CAMK1D: variants seen among roughly 807,000 people sequenced by gnomAD.
The protein encoded by CAMK1D is calcium/calmodulin-dependent protein kinase type 1D.
A neutral mutation model predicts 47.7 loss-of-function variants in CAMK1D; 9 were observed. That is an observed-to-expected ratio of 0.19 (90% CI 0.11 to 0.33). CAMK1D has a LOEUF of 0.33. CAMK1D is among the 10% of genes least tolerant of loss of function. CAMK1D has a pLI of 1.00. For missense variants in CAMK1D, 291 were observed against 488.7 expected (o/e 0.60, Z 3.81); for synonymous variants, 184 against 184.9 (o/e 0.99, Z 0.04).
chr10:12,398,228 T>C (rs953492135), intron 1 of CAMK1D, among the ~76,000 whole-genome samples: 3 of 152,246 alleles, frequency 2.0e-5, no homozygotes, highest in Non-Finnish European at 4.4e-5. Flanking sequence ...TAGAGTCATA[T>C]TCTATTCTCA....
chr10:12,729,530 T>A (rs116071163), intron 3 of CAMK1D, among the ~76,000 whole-genome samples: 2,745 of 152,002 alleles, frequency 0.018, 91 homozygotes, highest in African/African-American at 0.063. Flanking sequence ...CCCAGCTACG[T>A]GGAAGGGTGA....
chr10:12,502,140 G>A (rs929771225), intron 1 of CAMK1D, among the ~76,000 whole-genome samples: 2 of 152,176 alleles, frequency 1.3e-5, no homozygotes, highest in African/African-American at 4.8e-5. Context: ...ATAGGGCGGA[G>A]GCTCTGTGCC....
chr10:12,362,616 G>T (rs1837704698), intron 1 of CAMK1D, among the ~76,000 whole-genome samples: 1 of 152,126 alleles, frequency 6.6e-6, no homozygotes, highest in African/African-American at 2.4e-5. Flanking sequence ...TCCTGCCTCA[G>T]CCTCCCGAGT....
intron 1 of CAMK1D, among the ~76,000 whole-genome samples, chr10:12,468,074 G>C (rs1224203950): frequency 6.6e-6 from 1 of 152,056 alleles, no homozygotes; most frequent in Non-Finnish European, 1.5e-5. Context: ...TTTATGTTTT[G>C]AGACAGGGTC....
intron 2 of CAMK1D, among the ~76,000 whole-genome samples, chr10:12,554,949 A>T (rs1188248141): frequency 6.6e-6 from 1 of 152,204 alleles, no homozygotes; most frequent in African/African-American, 2.4e-5. Context: ...TTGCCCCGTC[A>T]TCTCCAAAGG....
chr10:12,507,538 C>T (rs1015776526), intron 1 of CAMK1D, among the ~76,000 whole-genome samples: 2 of 151,938 alleles, frequency 1.3e-5, no homozygotes, highest in Non-Finnish European at 1.5e-5. Context: ...TGACAGAGGG[C>T]GAGTGGGTGA....
intron 2 of CAMK1D, among the ~76,000 whole-genome samples, chr10:12,584,460 C>A (rs45586041): frequency 0.056 from 8,588 of 152,192 alleles, 325 homozygotes; most frequent in East Asian, 0.15. Flanking sequence ...TTTTCTCAGA[C>A]TTTATAACAA....
At chr10:12,773,649 T>G (rs531434204) in intron 5 of CAMK1D, among the ~76,000 whole-genome samples, 1 of 152,156 alleles carries the variant, frequency 6.6e-6, no homozygotes, top group Non-Finnish European at 1.5e-5. Flanking sequence ...TCCCAGCTCC[T>G]TGGGAGGCAG....
intron 1 of CAMK1D, among the ~76,000 whole-genome samples, chr10:12,413,257 G>A (rs1278596066): frequency 2.0e-5 from 3 of 152,100 alleles, no homozygotes; most frequent in Non-Finnish European, 4.4e-5. Flanking sequence ...AAGTGAGAGC[G>A]AGGCGGGAAG....
At chr10:12,510,530 G>A (rs376161063) in intron 1 of CAMK1D, among the ~76,000 whole-genome samples, 11 of 152,292 alleles carry the variant, frequency 7.2e-5, no homozygotes, top group African/African-American at 2.2e-4. Flanking sequence ...ACACTCCTTC[G>A]AACAAGCACA....
intron 1 of CAMK1D, among the ~76,000 whole-genome samples, chr10:12,506,565 C>G (rs1834878659): frequency 6.6e-6 from 1 of 151,980 alleles, no homozygotes; most frequent in African/African-American, 2.4e-5. Flanking sequence ...CGCCCAGACT[C>G]TGAAGTGCAG....
chr10:12,696,810 G>T (rs1292244865), intron 3 of CAMK1D, among the ~76,000 whole-genome samples: 2 of 152,164 alleles, frequency 1.3e-5, no homozygotes, highest in Non-Finnish European at 2.9e-5. Context: ...ATAGGAAAAT[G>T]GGACCTTCGA....
intron 6 of CAMK1D, among the ~76,000 whole-genome samples, chr10:12,799,626 G>C (rs549678806): frequency 8.3e-4 from 127 of 152,250 alleles, no homozygotes; most frequent in African/African-American, 2.8e-3. Flanking sequence ...TCCACCCCTC[G>C]TGAGAACTAA....
chr10:12,533,122 G>C, intron 1 of CAMK1D, among the ~76,000 whole-genome samples: 1 of 152,076 alleles, frequency 6.6e-6, no homozygotes, highest in East Asian at 1.9e-4. Flanking sequence ...TGAGGGGATG[G>C]GTACCCCATT....
At chr10:12,366,937 A>G (rs181875562) in intron 1 of CAMK1D, among the ~76,000 whole-genome samples, 42 of 152,256 alleles carry the variant, frequency 2.8e-4, no homozygotes, top group Admixed American at 2.2e-3. Context: ...GAAGTTTGTC[A>G]GTAATTCGTG....
chr10:12,424,897 G>A (rs947971379), intron 1 of CAMK1D, among the ~76,000 whole-genome samples: 5 of 152,114 alleles, frequency 3.3e-5, no homozygotes, highest in African/African-American at 7.2e-5. Flanking sequence ...TAGAGGGTCC[G>A]ACCATACGAC....
intron 3 of CAMK1D, among the ~76,000 whole-genome samples, chr10:12,751,068 T>C (rs546179417): frequency 9.7e-5 from 2 of 20,688 alleles, no homozygotes; most frequent in African/African-American, 4.1e-4. Flanking sequence ...TAAGATAAGA[T>C]AAGATAAGAT....
intron 1 of CAMK1D, among the ~76,000 whole-genome samples, chr10:12,398,478 A>G (rs1168795736): frequency 6.6e-6 from 1 of 152,136 alleles, no homozygotes; most frequent in Non-Finnish European, 1.5e-5. Context: ...ACTCCTGAGT[A>G]GCTGGGATTA....
At chr10:12,444,048 T>A (rs2025830) in intron 1 of CAMK1D, among the ~76,000 whole-genome samples, 150,273 of 152,284 alleles carry the variant, frequency 0.99, 74,182 homozygotes, top group Middle Eastern at 1. Flanking sequence ...GCATTTGTAA[T>A]CTGTCATGGC....
Sources: allele counts gnomAD v4.1 joint callset (sites outside exome capture counted in the v4.1 genomes callset), GRCh38; gene constraint gnomAD v4.1.1; transcripts MANE v1.5; gene names NCBI Gene and HGNC (gene_info 2026-07-23, HGNC 2026-07-21).